TANGO6: variants seen among roughly 807,000 people sequenced by gnomAD.
TANGO6 encodes the protein transport and golgi organization 6 homolog.
In TANGO6, 90 loss-of-function variants were observed where a neutral mutation model predicts 114.2. The observed-to-expected ratio is 0.79, with a 90% confidence interval of 0.66 to 0.94. TANGO6 has a LOEUF of 0.94. TANGO6 is among the 40% of genes least tolerant of loss of function. TANGO6 has a pLI of 0.00. For missense variants in TANGO6, 1,274 were observed against 1,315.3 expected, an observed-to-expected ratio of 0.97 and a Z score of 0.49; for synonymous variants, 477 against 509.8, an observed-to-expected ratio of 0.94 and a Z score of 0.87.
chr16:68,926,329 A>C (rs998555307), intron 12 of TANGO6, among the ~76,000 whole-genome samples: 9 of 151,802 alleles, frequency 5.9e-5, no homozygotes, highest in Non-Finnish European at 5.9e-5. Flanking sequence ...CCCCGTTTCT[A>C]CTAAACTATA....
Position 69,074,453 on chromosome 16 carries a change from C to T in TANGO6, c.3109-9032C>T, listed in dbSNP as rs111347484. On this transcript the variant is annotated intron_variant, in intron 17 of 17. Transcript: ENST00000261778. ...CTCCATAGACAGAGTAGGACGTTCC[C>T]GAAAGAGGAGGAACGTGTCCACCCT... is the stretch of plus-strand genomic sequence containing the variant. 2.2e-3 allele frequency among the ~76,000 whole-genome samples: 335 copies of T among 151,856 alleles called. 2 individuals carry two copies. The highest frequency in any genetic ancestry group is 0.021 in the South Asian group (100 of 4,790).
chr16:68,931,850 A>G (rs1963243659), intron 14 of TANGO6, among the ~76,000 whole-genome samples: 1 of 152,100 alleles, frequency 6.6e-6, no homozygotes, highest in South Asian at 2.1e-4. Flanking sequence ...CTAGGAAACC[A>G]TTGAGTTATG....
intron 15 of TANGO6, among the ~76,000 whole-genome samples, chr16:68,987,918 CT>C (rs1430948851): frequency 2.0e-5 from 3 of 152,154 alleles, no homozygotes; most frequent in African/African-American, 4.8e-5. Flanking sequence ...TACTGAGCAA[CT>C]TTTCATATGC....
intron 17 of TANGO6, among the ~76,000 whole-genome samples, chr16:69,079,344 A>G (rs56153506): frequency 6.6e-6 from 1 of 151,560 alleles, no homozygotes; most frequent in Admixed American, 6.6e-5. Context: ...AAATAAATAA[A>G]TAAATAAATA....
chr16:69,042,876 A>G (rs1314345829), intron 17 of TANGO6, among the ~76,000 whole-genome samples: 1 of 152,202 alleles, frequency 6.6e-6, no homozygotes, highest in Non-Finnish European at 1.5e-5. Context: ...ACTTTGTACT[A>G]TCTTTGCAAC....
intron 14 of TANGO6, among the ~76,000 whole-genome samples, chr16:68,936,624 C>T (rs868375204): frequency 1.3e-5 from 2 of 152,132 alleles, no homozygotes; most frequent in African/African-American, 4.8e-5. Flanking sequence ...CGTGAGCCAC[C>T]GCACCCTGCC....
chr16:68,874,674 C>T (rs1343241008), intron 4 of TANGO6, among the ~76,000 whole-genome samples: 1 of 152,152 alleles, frequency 6.6e-6, no homozygotes, highest in African/African-American at 2.4e-5. Flanking sequence ...ATAGGCCAGG[C>T]GCGGTGGCTC....
intron 14 of TANGO6, among the ~76,000 whole-genome samples, chr16:68,943,652 A>AC (rs1217897805): frequency 3.3e-5 from 5 of 151,982 alleles, no homozygotes; most frequent in Non-Finnish European, 7.4e-5. Context: ...GGCGTGAGCC[A>AC]CCGCACCCGG....
At chr16:69,030,716 G>A (rs1567562088) in intron 16 of TANGO6, among the ~76,000 whole-genome samples, 3 of 152,010 alleles carry the variant, frequency 2.0e-5, no homozygotes, top group Admixed American at 6.6e-5. Flanking sequence ...ACAAAGAAAA[G>A]CATCGTTTGT....
intron 2 of TANGO6, among the ~76,000 whole-genome samples, chr16:68,862,512 C>T (rs892543254): frequency 1.3e-5 from 2 of 152,152 alleles, no homozygotes; most frequent in African/African-American, 4.8e-5. Context: ...CAAAACAGTG[C>T]TCTTCAGAAT....
chr16:68,982,157 C>T lies in TANGO6; in HGVS notation c.2842+7989C>T, dbSNP rs78192443. On this transcript the variant is annotated intron_variant, in intron 15 of 17. Coordinates refer to ENST00000261778, the MANE Select transcript of TANGO6 (RefSeq NM_024562.2). ...TTGTTGAAACACCTTGTTCTAGAACCCACGTGGGCCATTCTGTTTCTCTCA... is the reference window on the plus strand; with the variant it reads ...TTGTTGAAACACCTTGTTCTAGAACTCACGTGGGCCATTCTGTTTCTCTCA... Among the ~76,000 whole-genome samples the T allele has an allele frequency of 7.0e-4, 106 of 152,194 alleles. No individual in the cohort carries two copies. In the East Asian group the frequency reaches 0.019, roughly 27 times the overall value.
rs193191421 is a variant in TANGO6, at chr16:68,912,311, A to G, written c.1992+2909A>G. ...CCACGAGTTCGAGACCAGCCTGGGC[A>G]ACATGGCAAAACCTCACCTCTACTG... On this transcript the variant is annotated intron_variant, in intron 11 of 17. Transcript: ENST00000261778. Among the ~76,000 whole-genome samples, 12 of 152,302 alleles carry G rather than the reference A, an allele frequency of 7.9e-5. No individual in the cohort carries two copies. The South Asian group carries it at 2.3e-3, about 29-fold the overall frequency.
At chr16:68,867,429 G>GTA in intron 4 of TANGO6, 1 of 540,272 alleles carries the variant, frequency 1.9e-6, no homozygotes, top group South Asian at 2.5e-5. Context: ...TAAAACACTT[G>GTA]TGATACACTG....
intron 17 of TANGO6, among the ~76,000 whole-genome samples, chr16:69,043,740 C>T (rs537303705): frequency 2.6e-4 from 40 of 152,208 alleles, no homozygotes; most frequent in African/African-American, 1.4e-4. Flanking sequence ...TCTGTTTTGC[C>T]CCCAGGAACA....
At chr16:68,965,219 G>A (rs1428262929) in intron 14 of TANGO6, among the ~76,000 whole-genome samples, 1 of 151,914 alleles carries the variant, frequency 6.6e-6, no homozygotes, top group Non-Finnish European at 1.5e-5. Flanking sequence ...GAGTGCAGTG[G>A]CACGATCTCA....
intron 16 of TANGO6, chr16:69,034,629 G>A (rs1176023796): frequency 1.3e-5 from 2 of 152,248 alleles, no homozygotes; most frequent in Admixed American, 1.3e-4. Context: ...CTAAAGCGAC[G>A]TGGTCTGCGG....
In TANGO6 at chr16:69,076,836, C is replaced by G. The variant is rs1960386951; in HGVS notation, c.3109-6649C>G. 2.0e-5 allele frequency among the ~76,000 whole-genome samples: 3 copies of G among 152,120 alleles called. No homozygotes were observed. In the South Asian group the frequency reaches 6.2e-4, roughly 32 times the overall value. Reference sequence around the variant, plus strand: ...AGTGAACACAATCTTACCTCCTCCACTGACATTCACGCTCCCTGTCCCATT... The same window carrying G: ...AGTGAACACAATCTTACCTCCTCCAGTGACATTCACGCTCCCTGTCCCATT... On this transcript the variant is annotated intron_variant, in intron 17 of 17. Coordinates refer to ENST00000261778, the MANE Select transcript of TANGO6 (RefSeq NM_024562.2).
Position 68,881,921 on chromosome 16 carries a change from A to G in TANGO6, c.1377+1291A>G, listed in dbSNP as rs138675840. Among the ~76,000 whole-genome samples the G allele has an allele frequency of 3.9e-4, 59 of 152,056 alleles. 1 individual carries two copies. In the East Asian group the frequency reaches 0.01, roughly 27 times the overall value. On this transcript the variant is annotated intron_variant, in intron 7 of 17. Transcript: ENST00000261778. ...TAGCACTTTGGGAGGCCAAGGCAGG[A>G]GGATTACTTGAGGCCAGGAGTTCAA...
intron 14 of TANGO6, among the ~76,000 whole-genome samples, chr16:68,945,744 G>A (rs1407651014): frequency 1.3e-5 from 2 of 151,704 alleles, no homozygotes; most frequent in African/African-American, 4.8e-5. Flanking sequence ...GGAGTGCAGT[G>A]GCATGATCTT....
Sources: gnomAD v4.1 joint callset for allele counts (sites outside exome capture counted in the v4.1 genomes callset) on GRCh38, gnomAD v4.1.1 for gene constraint, MANE v1.5 for transcripts, NCBI Gene and HGNC (gene_info 2026-07-23, HGNC 2026-07-21) for gene names.